The following DNAJC15 variants were observed in gnomAD, a reference collection of about 807,000 sequenced individuals.
DNAJC15 encodes the protein DnaJ heat shock protein family (Hsp40) member C15.
DNAJC15 carries 27 observed loss-of-function variants against 22.4 expected under a neutral mutation model. The observed-to-expected ratio is 1.20, with a 90% CI of 0.89 to 1.66. The LOEUF (loss-of-function observed/expected upper bound fraction) is 1.66, where lower values mean the gene tolerates loss of function less well. DNAJC15 is among the 40% of genes most tolerant of loss of function. The probability of loss-of-function intolerance (pLI) is 0.00; values close to 1 mark genes in which losing one functional copy is unlikely to be tolerated. For missense variants in DNAJC15, 208 were observed against 187.1 expected (o/e 1.11, Z -0.65); for synonymous variants, 79 against 63.2 (o/e 1.25, Z -1.19).
chr13:43,059,848 G>C (rs575439069), intron 1 of DNAJC15, among the ~76,000 whole-genome samples: 1 of 151,828 alleles, frequency 6.6e-6, no homozygotes, highest in Non-Finnish European at 1.5e-5. Flanking sequence ...GCAATGTTTC[G>C]CGGGCATGGG....
intron 5 of DNAJC15, among the ~76,000 whole-genome samples, chr13:43,097,259 G>A (rs1215383539): frequency 6.6e-6 from 1 of 152,188 alleles, no homozygotes; most frequent in Non-Finnish European, 1.5e-5. Flanking sequence ...CATGCAAAAT[G>A]AAGAAAGAAT....
At chr13:43,078,743 A>G in intron 4 of DNAJC15, 55 bp downstream of exon 4, 1 of 1,529,504 alleles carries the variant, frequency 6.5e-7, no homozygotes, top group South Asian at 1.2e-5. Context: ...GTCTTTAAAA[A>G]AGAGAAAACG....
chr13:43,065,937 G>C (rs1418438621), intron 2 of DNAJC15, among the ~76,000 whole-genome samples, 200 bp downstream of exon 2: 3 of 152,086 alleles, frequency 2.0e-5, no homozygotes, highest in Non-Finnish European at 2.9e-5. Context: ...AAGAAAATTA[G>C]TGATAAAAAG....
chr13:43,055,019 A>G (rs907228713), intron 1 of DNAJC15, among the ~76,000 whole-genome samples: 1 of 151,188 alleles, frequency 6.6e-6, no homozygotes, highest in Non-Finnish European at 1.5e-5. Flanking sequence ...GTGGGCCTTA[A>G]TAAGCACATT....
chr13:43,057,318 CT>C (rs2040536578), intron 1 of DNAJC15, among the ~76,000 whole-genome samples: 1 of 151,950 alleles, frequency 6.6e-6, no homozygotes, highest in South Asian at 2.1e-4. Flanking sequence ...TCTTTTTTGT[CT>C]TTGTCAGTTT....
At chr13:43,077,109 C>G (rs989567068) in intron 3 of DNAJC15, among the ~76,000 whole-genome samples, 2 of 152,188 alleles carry the variant, frequency 1.3e-5, no homozygotes, top group Non-Finnish European at 2.9e-5. Context: ...AATGTAAAGT[C>G]TGATGTTAAG....
intron 1 of DNAJC15, among the ~76,000 whole-genome samples, chr13:43,056,076 A>G (rs757646154): frequency 6.6e-6 from 1 of 151,276 alleles, no homozygotes; most frequent in Non-Finnish European, 1.5e-5. Context: ...GTTGATTTTC[A>G]GTTTTATTCC....
At position 43,048,683 on chromosome 13, in the gene DNAJC15, CATT is replaced by C. The variant is rs199498891; in HGVS notation, c.109-17000_109-16998del. Among the ~76,000 whole-genome samples the C allele has an allele frequency of 2.6e-5, 4 of 152,282 alleles. No individual in the cohort carries two copies. In the East Asian group the frequency reaches 7.7e-4, roughly 29 times the overall value. On this transcript the variant is annotated intron_variant, in intron 1 of 5. Coordinates refer to ENST00000379221, the MANE Select transcript of DNAJC15 (RefSeq NM_013238.3). ...TTACATAGAGACCACTGTTCCCAAACATTATGCTGGACCAGTTGTAAAAGAATT... is the reference window on the plus strand; with the variant it reads ...TTACATAGAGACCACTGTTCCCAAACATGCTGGACCAGTTGTAAAAGAATT...
chr13:43,050,458 A>G (rs886936930), intron 1 of DNAJC15, among the ~76,000 whole-genome samples: 3 of 152,022 alleles, frequency 2.0e-5, no homozygotes, highest in East Asian at 1.9e-4. Context: ...GGCACACCCA[A>G]CTAACTTTTC....
At chr13:43,089,432 A>C (rs570457781) in intron 5 of DNAJC15, among the ~76,000 whole-genome samples, 1 of 152,314 alleles carries the variant, frequency 6.6e-6, no homozygotes, top group East Asian at 1.9e-4. Flanking sequence ...CACAGGAGAG[A>C]GGCAACTTTA....
At chr13:43,051,659 G>GTGTGTGTA (rs1555274784) in intron 1 of DNAJC15, among the ~76,000 whole-genome samples, 15 of 102,596 alleles carry the variant, frequency 1.5e-4, no homozygotes, top group East Asian at 2.6e-4. Context: ...GTGTGTGTGT[G>GTGTGTGTA]TGTATATATA....
At chr13:43,050,973 G>T (rs926456004) in intron 1 of DNAJC15, among the ~76,000 whole-genome samples, 3 of 151,796 alleles carry the variant, frequency 2.0e-5, no homozygotes, top group African/African-American at 7.3e-5. Flanking sequence ...TTGTTTCTTG[G>T]TATTTTATTT....
At chr13:43,098,582 C>T (rs1436022749) in intron 5 of DNAJC15, among the ~76,000 whole-genome samples, 2 of 152,190 alleles carry the variant, frequency 1.3e-5, no homozygotes, top group Non-Finnish European at 2.9e-5. Context: ...CCATACCATA[C>T]AATTCAATTC....
intron 1 of DNAJC15, among the ~76,000 whole-genome samples, chr13:43,048,208 A>T (rs948537936): frequency 6.6e-6 from 1 of 152,134 alleles, no homozygotes; most frequent in African/African-American, 2.4e-5. Context: ...GGCCGGGTGC[A>T]TTGGCTTACG....
At position 43,107,278 on chromosome 13, in the gene DNAJC15, A is replaced by G; in HGVS notation, c.*30A>G. On this transcript the variant is annotated 3_prime_UTR_variant, in exon 6 of 6. Transcript: ENST00000379221. Reference sequence around the variant, plus strand: ...TAAGGACCACACTGAAGGAAAAAAAAAGAGGGGACTTCGAAAAAAAAAAAA... The same window carrying G: ...TAAGGACCACACTGAAGGAAAAAAAGAGAGGGGACTTCGAAAAAAAAAAAA... 1.3e-6 allele frequency: 2 copies of G among 1,516,808 alleles called. No homozygotes were observed. Among genetic ancestry groups the G allele is most frequent in the Non-Finnish European group, 1.8e-6 (2 of 1,140,226 alleles). The allele number at this position is 1,516,808 out of a possible 1,614,324, so 94.0% of individuals were successfully genotyped here. A position where few individuals can be genotyped will look rare whatever the true frequency, so the allele number is the denominator to read the frequency against.
chr13:43,063,279 G>A (rs1460302586), intron 1 of DNAJC15, among the ~76,000 whole-genome samples: 1 of 152,212 alleles, frequency 6.6e-6, no homozygotes, highest in African/African-American at 2.4e-5. Flanking sequence ...CAAAGTGTTG[G>A]GATTACAGGC....
intron 5 of DNAJC15, among the ~76,000 whole-genome samples, chr13:43,097,028 T>C (rs2040743019): frequency 1.3e-5 from 2 of 152,182 alleles, no homozygotes; most frequent in African/African-American, 2.4e-5. Context: ...AAAAAGAACA[T>C]TGTTGCTTTT....
intron 1 of DNAJC15, among the ~76,000 whole-genome samples, chr13:43,065,382 C>A (rs1450414135): frequency 6.6e-6 from 1 of 151,926 alleles, no homozygotes; most frequent in African/African-American, 2.4e-5. Flanking sequence ...ATATTAAACC[C>A]CCTATTAAAA....
At chr13:43,043,551 ATTC>A (rs2153439936) in intron 1 of DNAJC15, among the ~76,000 whole-genome samples, 1 of 152,334 alleles carries the variant, frequency 6.6e-6, no homozygotes, top group African/African-American at 2.4e-5. Context: ...GAAAAAGATT[ATTC>A]TTAAAAAATC....
Sources: gnomAD v4.1 joint callset for allele counts (sites outside exome capture counted in the v4.1 genomes callset) on GRCh38, gnomAD v4.1.1 for gene constraint, MANE v1.5 for transcripts, NCBI Gene and HGNC (gene_info 2026-07-23, HGNC 2026-07-21) for gene names.